Variants in MCUB observed in about 807,000 individuals in gnomAD.
MCUB encodes the protein calcium uniporter regulatory subunit MCUb, mitochondrial.
Under a neutral mutation model 41.4 loss-of-function variants are expected in MCUB, and 46 were observed. That is an observed-to-expected ratio of 1.11 (90% CI 0.88 to 1.42). The LOEUF (loss-of-function observed/expected upper bound fraction) is 1.42. MCUB is among the 40% of genes most tolerant of loss of function. MCUB has a pLI of 0.00. For missense variants in MCUB, 403 were observed against 404.9 expected (o/e 1.00, Z 0.04); for synonymous variants, 148 against 148.2 (o/e 1.00, Z 0.01).
intron 1 of MCUB, among the ~76,000 whole-genome samples, chr4:109,629,067 G>T (rs1728421010): frequency 6.6e-6 from 1 of 152,160 alleles, no homozygotes; most frequent in Non-Finnish European, 1.5e-5. Flanking sequence ...TTTAGATTAT[G>T]TTTTCTTCAT....
rs1162659731 is a variant in MCUB at position 109,597,388 on chromosome 4, G to T, written c.99+36952G>T. On this transcript the variant is annotated intron_variant, in intron 1 of 7. Transcript: ENST00000394650. ...TGACCCCCCCACCTCCCTCCCGGAC[G>T]GGGCGGCTGGCCGGGCGGGGGGCTG... Among the ~76,000 whole-genome samples, 5 of 140,852 alleles carry T rather than the reference G, an allele frequency of 3.5e-5. No homozygotes were observed. In the South Asian group the frequency reaches 9.3e-4, roughly 26 times the overall value. The allele number at this position is 140,852 out of a possible 152,430, so 92.4% of individuals were successfully genotyped here.
At chr4:109,682,557 T>G (rs1234786411) in intron 4 of MCUB, 25 bp from the exon 5 acceptor site, 2 of 1,582,386 alleles carry the variant, frequency 1.3e-6, no homozygotes, top group South Asian at 2.3e-5. Flanking sequence ...GGTGACTGGC[T>G]TGTTTCCCTT....
At chr4:109,607,209 TTTTC>T (rs142787512) in intron 1 of MCUB, among the ~76,000 whole-genome samples, 78,515 of 150,756 alleles carry the variant, frequency 0.52, 20,793 homozygotes, top group South Asian at 0.69. Context: ...ATTAACATCC[TTTTC>T]TTTCTTTCTT....
intron 1 of MCUB, among the ~76,000 whole-genome samples, chr4:109,608,470 G>A (rs1727928196): frequency 6.7e-6 from 1 of 149,760 alleles, no homozygotes; most frequent in Admixed American, 6.8e-5. Context: ...TTGATGTCTG[G>A]GCGTTGAAAA....
intron 1 of MCUB, among the ~76,000 whole-genome samples, chr4:109,597,754 C>T (rs197225): frequency 0.46 from 63,002 of 137,310 alleles, 13,706 homozygotes; most frequent in South Asian, 0.57. Context: ...ACCTCCCTCC[C>T]GGACGGGGTG....
intron 1 of MCUB, chr4:109,648,594 T>G (rs1270942705): frequency 2.3e-6 from 1 of 438,194 alleles, no homozygotes. Flanking sequence ...TTAAGATAAC[T>G]TTCTAGTCTG....
intron 1 of MCUB, among the ~76,000 whole-genome samples, chr4:109,582,140 A>G (rs1243804925): frequency 2.6e-5 from 4 of 152,214 alleles, no homozygotes; most frequent in East Asian, 3.9e-4. Flanking sequence ...ATGTCCATCA[A>G]TGATAGACCG....
intron 1 of MCUB, 52 bp from the exon 2 acceptor site, chr4:109,658,959 C>A: frequency 2.1e-6 from 2 of 964,866 alleles, no homozygotes; most frequent in Non-Finnish European, 1.6e-6. Flanking sequence ...ACACTTATTT[C>A]ATCTTTCCCA....
intron 1 of MCUB, among the ~76,000 whole-genome samples, chr4:109,645,908 CT>C (rs1340800260): frequency 6.6e-6 from 1 of 152,140 alleles, no homozygotes; most frequent in African/African-American, 2.4e-5. Flanking sequence ...CCTTTACTCC[CT>C]TAGTTGTCAC....
At chr4:109,585,397 T>C (rs752152165) in intron 1 of MCUB, among the ~76,000 whole-genome samples, 1 of 152,224 alleles carries the variant, frequency 6.6e-6, no homozygotes, top group African/African-American at 2.4e-5. Flanking sequence ...CTTGAATCTT[T>C]ATTCAATTTG....
chr4:109,643,117 GA>G (rs35219904), intron 1 of MCUB, among the ~76,000 whole-genome samples: 1,650 of 151,612 alleles, frequency 0.011, 37 homozygotes, highest in African/African-American at 0.037. Flanking sequence ...TTTAATACGG[GA>G]AACAACTTAC....
rs946166436 is a variant in MCUB, at chr4:109,688,439, A to G, written c.*847A>G. 5.3e-5 allele frequency: 8 copies of G among 152,190 alleles called. No individual in the cohort carries two copies. The highest frequency in any genetic ancestry group is 1.9e-4 in the East Asian group (1 of 5,200). The allele number at this position is 152,190 out of a possible 1,614,324, so 9.4% of individuals were successfully genotyped here. ...ATAGTGGCTAAGAATTATGTTTTCTATTTCATCCTCAGAATGCCATACAAC... is the reference window on the plus strand; with the variant it reads ...ATAGTGGCTAAGAATTATGTTTTCTGTTTCATCCTCAGAATGCCATACAAC... On this transcript the variant is annotated 3_prime_UTR_variant, in exon 8 of 8. Transcript: ENST00000394650.
intron 1 of MCUB, among the ~76,000 whole-genome samples, chr4:109,568,512 G>T (rs928853917): frequency 2.0e-5 from 3 of 151,970 alleles, no homozygotes; most frequent in Admixed American, 2.0e-4. Context: ...AGGCGGTAGT[G>T]CCTCTCTCCC....
At chr4:109,670,203 A>T (rs1043631858) in intron 4 of MCUB, among the ~76,000 whole-genome samples, 13 of 152,300 alleles carry the variant, frequency 8.5e-5, no homozygotes, top group Admixed American at 7.8e-4. Context: ...GATTAAGGGG[A>T]CTAGGTCTCA....
chr4:109,622,392 T>C (rs1378455184), intron 1 of MCUB, among the ~76,000 whole-genome samples: 1 of 152,222 alleles, frequency 6.6e-6, no homozygotes, highest in African/African-American at 2.4e-5. Context: ...GAAAATCTAA[T>C]GTTTCTGAAA....
chr4:109,666,050 AGAAG>A (rs1561246994), intron 4 of MCUB, among the ~76,000 whole-genome samples: 1 of 152,214 alleles, frequency 6.6e-6, no homozygotes, highest in Non-Finnish European at 1.5e-5. Flanking sequence ...GAGGCAGTAA[AGAAG>A]AAAGTGAAGA....
chr4:109,580,410 G>A (rs568316002), intron 1 of MCUB, among the ~76,000 whole-genome samples: 22 of 152,304 alleles, frequency 1.4e-4, no homozygotes, highest in Admixed American at 3.9e-4. Context: ...TGGGATGGCT[G>A]GGTCAAATGG....
At chr4:109,682,444 T>C (rs1729739023) in intron 4 of MCUB, 138 bp from the exon 5 acceptor site, 1 of 671,800 alleles carries the variant, frequency 1.5e-6, no homozygotes, top group Admixed American at 2.7e-5. Context: ...TACACCTTTG[T>C]TTACATGTTT....
At chr4:109,595,986 G>A (rs1424579815) in intron 1 of MCUB, among the ~76,000 whole-genome samples, 1 of 139,246 alleles carries the variant, frequency 7.2e-6, no homozygotes, top group Non-Finnish European at 1.5e-5. Flanking sequence ...AGCATGCCTA[G>A]CCCCAGCCCC....
Sources: allele counts gnomAD v4.1 joint callset (sites outside exome capture counted in the v4.1 genomes callset), GRCh38; gene constraint gnomAD v4.1.1; transcripts MANE v1.5; gene names NCBI Gene and HGNC (gene_info 2026-07-23, HGNC 2026-07-21).